The following PACRG variants were observed in gnomAD, a reference collection of about 807,000 sequenced individuals.
The protein encoded by PACRG is parkin coregulated.
A neutral mutation model predicts 29.7 loss-of-function variants in PACRG; 29 were observed. That is an observed-to-expected ratio of 0.98 (90% CI 0.73 to 1.33). The LOEUF (loss-of-function observed/expected upper bound fraction) is 1.33, where lower values mean the gene tolerates loss of function less well. Among genes scored for constraint, PACRG ranks in the 40% most tolerant of loss-of-function variants. The pLI is 0.00. For synonymous variants in PACRG, 116 were observed against 118.7 expected (o/e 0.98, Z 0.15); for missense variants, 279 against 316.2 (o/e 0.88, Z 0.89).
At chr6:163,073,990 A>G (rs1006362073) in intron 3 of PACRG, among the ~76,000 whole-genome samples, 7 of 152,222 alleles carry the variant, frequency 4.6e-5, no homozygotes, top group Admixed American at 2.0e-4. Context: ...ACATTAATAC[A>G]ACCACTATGG....
intron 4 of PACRG, among the ~76,000 whole-genome samples, chr6:163,304,947 G>A (rs1785141961): frequency 6.6e-6 from 1 of 152,232 alleles, no homozygotes; most frequent in African/African-American, 2.4e-5. Flanking sequence ...ATCAGGAAGA[G>A]GAGGCTTTGA....
intron 2 of PACRG, among the ~76,000 whole-genome samples, chr6:162,921,208 G>A (rs984679499): frequency 2.0e-5 from 3 of 152,184 alleles, no homozygotes; most frequent in Admixed American, 1.3e-4. Context: ...CGTAGACCCA[G>A]GAGAGACAGA....
rs142145904 is a variant in PACRG, at chr6:163,202,795, T to A, written c.614-112032T>A. Among the ~76,000 whole-genome samples the A allele has an allele frequency of 8.5e-5, 13 of 152,286 alleles. 1 individual carries two copies. In the East Asian group the frequency reaches 2.5e-3, roughly 29 times the overall value. ...ATGAATAACTGATAAAAAGCTAGAT[T>A]ATCTGGGCTTCAGCAAGTACTTTCA... On this transcript the variant is annotated intron_variant, in intron 4 of 4. Coordinates refer to ENST00000366888, the MANE Select transcript of PACRG (RefSeq NM_001080379.2).
At chr6:163,017,906 A>G (rs1806254478) in intron 2 of PACRG, among the ~76,000 whole-genome samples, 1 of 151,940 alleles carries the variant, frequency 6.6e-6, no homozygotes, top group South Asian at 2.1e-4. Flanking sequence ...TTTATGTGAC[A>G]CTGTATTTAG....
chr6:163,298,176 A>G (rs1465297575), intron 4 of PACRG, among the ~76,000 whole-genome samples: 1 of 152,286 alleles, frequency 6.6e-6, no homozygotes, highest in African/African-American at 2.4e-5. Flanking sequence ...CAGGGTGATA[A>G]GATGAGACTT....
At chr6:163,190,038 A>C (rs1172147180) in intron 4 of PACRG, 1 of 152,234 alleles carries the variant, frequency 6.6e-6, no homozygotes, top group African/African-American at 2.4e-5. Flanking sequence ...CTGATAGAAG[A>C]AACTAGGTTT....
chr6:163,029,769 G>A (rs11966201), intron 2 of PACRG, among the ~76,000 whole-genome samples: 4,396 of 152,244 alleles, frequency 0.029, 216 homozygotes, highest in African/African-American at 0.1. Flanking sequence ...GGAATGTCTC[G>A]GAGCAGAGGG....
At chr6:163,117,870 C>A (rs1816084274) in intron 4 of PACRG, among the ~76,000 whole-genome samples, 1 of 151,952 alleles carries the variant, frequency 6.6e-6, no homozygotes, top group Non-Finnish European at 1.5e-5. Context: ...ATGGATGTGA[C>A]AATGTGTTGA....
chr6:162,982,838 T>C (rs1192494240), intron 2 of PACRG, among the ~76,000 whole-genome samples: 1 of 152,110 alleles, frequency 6.6e-6, no homozygotes, highest in Non-Finnish European at 1.5e-5. Flanking sequence ...TAAGATATAG[T>C]TTAAGTCCAT....
chr6:162,744,200 T>C (rs1439972669), intron 1 of PACRG, among the ~76,000 whole-genome samples: 1 of 152,222 alleles, frequency 6.6e-6, no homozygotes, highest in Non-Finnish European at 1.5e-5. Context: ...GAAATGTTCC[T>C]ATGAAAACTT....
chr6:163,018,131 C>T (rs1806276722), intron 2 of PACRG, among the ~76,000 whole-genome samples: 1 of 152,124 alleles, frequency 6.6e-6, no homozygotes, highest in African/African-American at 2.4e-5. Flanking sequence ...CCTCCTTCCA[C>T]TACATCTGAT....
chr6:163,004,209 A>G (rs1316023027), intron 2 of PACRG, among the ~76,000 whole-genome samples: 5 of 150,494 alleles, frequency 3.3e-5, no homozygotes, highest in African/African-American at 1.2e-4. Flanking sequence ...TATTATATAT[A>G]CAGAATATTA....
At chr6:162,956,705 C>G (rs1398554813) in intron 2 of PACRG, among the ~76,000 whole-genome samples, 3 of 152,178 alleles carry the variant, frequency 2.0e-5, no homozygotes, top group Non-Finnish European at 4.4e-5. Context: ...CCTCACACAG[C>G]CCTCCCCTGG....
At chr6:163,104,038 G>C (rs1418272241) in intron 4 of PACRG, among the ~76,000 whole-genome samples, 1 of 152,130 alleles carries the variant, frequency 6.6e-6, no homozygotes, top group African/African-American at 2.4e-5. Context: ...TTTTATTTAA[G>C]GTACTGAAGT....
chr6:162,969,442 A>G (rs892295678), intron 2 of PACRG, among the ~76,000 whole-genome samples: 23 of 151,764 alleles, frequency 1.5e-4, no homozygotes, highest in African/African-American at 5.1e-4. Context: ...TACTACAACC[A>G]ACCCCCTTGT....
intron 4 of PACRG, among the ~76,000 whole-genome samples, chr6:163,300,284 C>G (rs986704516): frequency 1.3e-5 from 2 of 152,206 alleles, no homozygotes; most frequent in African/African-American, 4.8e-5. Flanking sequence ...AATTTGGAAG[C>G]CTGGTCCAGG....
chr6:163,273,984 C>T (rs1308863257), intron 4 of PACRG, among the ~76,000 whole-genome samples: 1 of 152,110 alleles, frequency 6.6e-6, no homozygotes, highest in African/African-American at 2.4e-5. Context: ...CATATCATAA[C>T]TTCTGATATG....
chr6:162,727,378 A>C, upstream of PACRG: 2 of 474,156 alleles, frequency 4.2e-6, no homozygotes, highest in East Asian at 3.8e-5. Flanking sequence ...ACCGCGAACG[A>C]GGAGCGGGGG....
chr6:163,259,898 T>C (rs1000644902), intron 4 of PACRG, among the ~76,000 whole-genome samples: 16 of 152,124 alleles, frequency 1.1e-4, no homozygotes, highest in Non-Finnish European at 1.5e-5. Flanking sequence ...GTGGAGCTGA[T>C]GGAGGAAGGA....
Sources: gnomAD v4.1 joint callset for allele counts (sites outside exome capture counted in the v4.1 genomes callset) on GRCh38, gnomAD v4.1.1 for gene constraint, MANE v1.5 for transcripts, NCBI Gene and HGNC (gene_info 2026-07-23, HGNC 2026-07-21) for gene names.